The following SGMS1 variants were observed in gnomAD, a reference collection of about 807,000 sequenced individuals.
SGMS1 encodes sphingomyelin synthase 1, also known as phosphatidylcholine:ceramide cholinephosphotransferase 1.
In SGMS1, 13 loss-of-function variants were observed where a neutral mutation model predicts 46.2. The ratio of observed to expected loss-of-function variants is 0.28; its 90% CI spans 0.18 to 0.45. The LOEUF is 0.45. Ranked by LOEUF, SGMS1 falls within the 20% of genes least tolerant of loss-of-function variation. SGMS1 has a pLI of 1.00. For missense variants in SGMS1, 324 were observed against 519.9 expected, an observed-to-expected ratio of 0.62 and a Z score of 3.66; for synonymous variants, 203 against 187.8, an observed-to-expected ratio of 1.08 and a Z score of -0.66.
intron 3 of SGMS1, among the ~76,000 whole-genome samples, chr10:50,484,494 T>C (rs1837503312): frequency 6.6e-6 from 1 of 152,220 alleles, no homozygotes; most frequent in South Asian, 2.1e-4. Flanking sequence ...GTATTTCTTC[T>C]GAAACTATTC....
intron 6 of SGMS1, among the ~76,000 whole-genome samples, chr10:50,400,578 G>A (rs1429589711): frequency 1.3e-5 from 2 of 151,380 alleles, no homozygotes; most frequent in Non-Finnish European, 2.9e-5. Context: ...AGCCTCCTGA[G>A]TAGCTGAGAC....
chr10:50,382,518 C>T (rs1296006382), intron 6 of SGMS1, among the ~76,000 whole-genome samples: 2 of 150,926 alleles, frequency 1.3e-5, no homozygotes, highest in African/African-American at 4.9e-5. Context: ...GCTATAAAGA[C>T]TTTTCAAAGG....
intron 3 of SGMS1, among the ~76,000 whole-genome samples, chr10:50,492,605 A>G (rs1015122549): frequency 3.9e-5 from 6 of 152,222 alleles, no homozygotes; most frequent in Non-Finnish European, 8.8e-5. Flanking sequence ...GGGGAGGTGA[A>G]AGACCTCTAC....
chr10:50,555,896 CT>C (rs1170006466), intron 2 of SGMS1, among the ~76,000 whole-genome samples: 2 of 152,334 alleles, frequency 1.3e-5, no homozygotes, highest in African/African-American at 4.8e-5. Context: ...ACACAATTTG[CT>C]TTGTAAAAGA....
intron 1 of SGMS1, chr10:50,623,449 A>T: frequency 2.9e-6 from 1 of 348,058 alleles, no homozygotes; most frequent in Non-Finnish European, 4.0e-6. Context: ...TTAGCCGGGG[A>T]GCCCCGCCGG....
chr10:50,524,862 G>A (rs1019844117), intron 2 of SGMS1, among the ~76,000 whole-genome samples: 1 of 151,910 alleles, frequency 6.6e-6, no homozygotes, highest in African/African-American at 2.4e-5. Flanking sequence ...ACACTGAAAG[G>A]GTAAAAATAA....
At chr10:50,484,173 GA>G (rs1424103699) in intron 3 of SGMS1, among the ~76,000 whole-genome samples, 1 of 151,878 alleles carries the variant, frequency 6.6e-6, no homozygotes, top group Non-Finnish European at 1.5e-5. Context: ...AAGAAAAAGA[GA>G]AGAATCAACT....
intron 6 of SGMS1, among the ~76,000 whole-genome samples, chr10:50,413,355 A>G (rs578174711): frequency 7.9e-5 from 12 of 152,346 alleles, no homozygotes; most frequent in Admixed American, 2.6e-4. Flanking sequence ...TGATGATAAA[A>G]TGTGTACACT....
At chr10:50,474,129 C>A (rs916017384) in intron 3 of SGMS1, 1 of 152,144 alleles carries the variant, frequency 6.6e-6, no homozygotes, top group Non-Finnish European at 1.5e-5. Flanking sequence ...TATCTTGAAC[C>A]CTTTTGTTGA....
chr10:50,423,632 G>A (rs565079030), intron 6 of SGMS1, among the ~76,000 whole-genome samples: 4 of 145,968 alleles, frequency 2.7e-5, no homozygotes, highest in Non-Finnish European at 6.0e-5. Context: ...AGACAAGGTG[G>A]CATGGGAAAA....
intron 6 of SGMS1, among the ~76,000 whole-genome samples, chr10:50,390,652 T>A (rs1453998127): frequency 1.3e-5 from 2 of 152,106 alleles, no homozygotes; most frequent in Non-Finnish European, 2.9e-5. Flanking sequence ...GAAAAAAAAA[T>A]TAATATCTAA....
chr10:50,563,106 C>CT (rs1479152902), intron 2 of SGMS1, among the ~76,000 whole-genome samples: 3 of 152,198 alleles, frequency 2.0e-5, no homozygotes, highest in African/African-American at 7.2e-5. Flanking sequence ...CATTAACGAA[C>CT]TAGTAAGTAG....
At chr10:50,587,686 T>C (rs1408708955) in intron 2 of SGMS1, among the ~76,000 whole-genome samples, 2 of 150,184 alleles carry the variant, frequency 1.3e-5, no homozygotes, top group African/African-American at 2.5e-5. Context: ...TGTGTCGTTA[T>C]GTAGTAAGTC....
At chr10:50,457,570 C>T (rs763421418) in intron 5 of SGMS1, among the ~76,000 whole-genome samples, 3 of 151,996 alleles carry the variant, frequency 2.0e-5, no homozygotes, top group Non-Finnish European at 4.4e-5. Flanking sequence ...ATCCATGCCT[C>T]CCCCACCCTC....
At chr10:50,350,364 G>A (rs1287310902) in intron 6 of SGMS1, among the ~76,000 whole-genome samples, 2 of 152,200 alleles carry the variant, frequency 1.3e-5, no homozygotes, top group African/African-American at 4.8e-5. Context: ...AAAATCTGCA[G>A]CCTGACTATG....
chr10:50,400,374 A>G (rs1164769539), intron 6 of SGMS1, among the ~76,000 whole-genome samples: 3 of 126,704 alleles, frequency 2.4e-5, no homozygotes, highest in Non-Finnish European at 5.2e-5. Flanking sequence ...TATAAACACA[A>G]GACCTATAGA....
At chr10:50,416,293 A>G (rs1007706190) in intron 6 of SGMS1, among the ~76,000 whole-genome samples, 2 of 152,200 alleles carry the variant, frequency 1.3e-5, no homozygotes, top group African/African-American at 4.8e-5. Flanking sequence ...ACTAGCTGTG[A>G]AATTTGGAGC....
At chr10:50,400,397 AT>A (rs1304020862) in intron 6 of SGMS1, among the ~76,000 whole-genome samples, 8 of 266 alleles carry the variant, frequency 0.03, no homozygotes. Flanking sequence ...ACATCCTGGC[AT>A]ATATATATAT....
intron 3 of SGMS1, among the ~76,000 whole-genome samples, chr10:50,492,978 A>C (rs1837579492): frequency 6.6e-6 from 1 of 152,000 alleles, no homozygotes; most frequent in Non-Finnish European, 1.5e-5. Flanking sequence ...TCTTAACCTC[A>C]CTTTACCTGT....
Sources: gnomAD v4.1 joint callset for allele counts (sites outside exome capture counted in the v4.1 genomes callset) on GRCh38, gnomAD v4.1.1 for gene constraint, MANE v1.5 for transcripts, NCBI Gene and HGNC (gene_info 2026-07-23, HGNC 2026-07-21) for gene names.